The following FKTN variants were observed in gnomAD, a reference collection of about 807,000 sequenced individuals.
FKTN encodes ribitol-5-phosphate transferase FKTN.
A neutral mutation model predicts 58.6 loss-of-function variants in FKTN; 47 were observed. The ratio of observed to expected loss-of-function variants is 0.80; its 90% confidence interval spans 0.63 to 1.02. The LOEUF (loss-of-function observed/expected upper bound fraction) is 1.02, where lower values mean the gene tolerates loss of function less well. Ranked by LOEUF, FKTN falls within the 50% of genes least tolerant of loss-of-function variation. The pLI, the probability that FKTN is intolerant of heterozygous loss-of-function variation, is 0.00. For synonymous variants in FKTN, 178 were observed against 191.9 expected (o/e 0.93, Z 0.60); for missense variants, 516 against 537.3 (o/e 0.96, Z 0.39).
chr9:105,562,299 G>A (rs1838442982), intron 1 of FKTN, among the ~76,000 whole-genome samples: 1 of 152,198 alleles, frequency 6.6e-6, no homozygotes, highest in Non-Finnish European at 1.5e-5. Context: ...TTGGTGGCAG[G>A]GGACTAGGGA....
chr9:105,569,234 C>T (rs184890927), intron 1 of FKTN, among the ~76,000 whole-genome samples: 3 of 152,182 alleles, frequency 2.0e-5, no homozygotes, highest in Non-Finnish European at 4.4e-5. Context: ...CACATGTATA[C>T]ATATGTAACA....
chr9:105,570,919 G>A (rs1364856933), intron 1 of FKTN, among the ~76,000 whole-genome samples: 3 of 152,142 alleles, frequency 2.0e-5, no homozygotes, highest in Non-Finnish European at 4.4e-5. Flanking sequence ...AAACACAGAG[G>A]CAGGAAAGTG....
intron 3 of FKTN, among the ~76,000 whole-genome samples, chr9:105,594,750 A>C (rs953449699): frequency 1.3e-5 from 2 of 152,174 alleles, no homozygotes; most frequent in African/African-American, 4.8e-5. Flanking sequence ...CTCATTAATA[A>C]TAGTAATAAT....
rs1041759046 is a variant in FKTN at position 105,590,920 on chromosome 9, G to C, written c.106-5678G>C. On this transcript the variant is annotated intron_variant, in intron 3 of 10. Coordinates refer to ENST00000357998, the MANE Select transcript of FKTN (RefSeq NM_001079802.2). The stretch of plus-strand genomic sequence containing the variant: ...CTTACAATCGTGGCAGCAGGTGAAG[G>C]GGGAGCCCGCACCTCACATGGCCAG... Among the ~76,000 whole-genome samples the C allele has an allele frequency of 5.9e-5, 9 of 152,240 alleles. No individual in the cohort carries two copies. In the East Asian group the frequency reaches 1.7e-3, roughly 29 times the overall value.
At chr9:105,609,919 T>G (rs891699067) in intron 7 of FKTN, among the ~76,000 whole-genome samples, 1 of 152,258 alleles carries the variant, frequency 6.6e-6, no homozygotes, top group African/African-American at 2.4e-5. Context: ...GAAGTTACTT[T>G]AAAACTATGT....
chr9:105,594,764 A>G (rs1463456540), intron 3 of FKTN, among the ~76,000 whole-genome samples: 1 of 152,174 alleles, frequency 6.6e-6, no homozygotes, highest in Admixed American at 6.5e-5. Flanking sequence ...TAATAATAAT[A>G]AAGTGATATC....
intron 10 of FKTN, among the ~76,000 whole-genome samples, chr9:105,625,649 G>A (rs765773075): frequency 6.6e-6 from 1 of 152,092 alleles, no homozygotes; most frequent in Non-Finnish European, 1.5e-5. Context: ...TGTGAACAAG[G>A]GGAGTCCAAG....
At position 105,620,004 on chromosome 9, in the gene FKTN, A is replaced by C; in HGVS notation, c.1115A>C (p.Glu372Ala). 6.2e-7 allele frequency: 1 copy of C among 1,613,104 alleles called. No homozygotes were observed. The highest frequency in any genetic ancestry group is 1.1e-5 in the South Asian group (1 of 91,068). Reference protein sequence around the residue: ...DVKLDVFFFYEETDHMWNGGT... With the variant: ...DVKLDVFFFYAETDHMWNGGT... ...AAACTTGATGTTTTTTTCTTCTATG[A>C]AGAAACTGATCACATGTGGAATGGA... is the stretch of plus-strand genomic sequence containing the variant. The change falls in exon 10 of 11, where the codon GAA becomes GCA. Residue 372 changes from glutamate to alanine, a missense_variant. Transcript: ENST00000357998.
In FKTN at chr9:105,597,317, G is replaced by T. The variant is rs1486891582; in HGVS notation, c.165+660G>T. ...TAGAGATGTGGAACACTTTAAATTA[G>T]AAGTGGATTTTCAGATCACCAAGCA... On this transcript the variant is annotated intron_variant, in intron 4 of 10. Coordinates refer to ENST00000357998, the MANE Select transcript of FKTN (RefSeq NM_001079802.2). Among the ~76,000 whole-genome samples, 5 of 152,076 alleles carry T rather than the reference G, an allele frequency of 3.3e-5. No homozygotes were observed. In the East Asian group the frequency reaches 9.6e-4, roughly 29 times the overall value.
intron 4 of FKTN, among the ~76,000 whole-genome samples, chr9:105,597,445 A>G (rs1159765619): frequency 2.0e-5 from 3 of 152,178 alleles, no homozygotes; most frequent in Middle Eastern, 3.2e-3. Context: ...TCTCTAGTCT[A>G]TAAGTGTCAA....
intron 2 of FKTN, chr9:105,574,248 T>A (rs1041897568): frequency 1.3e-5 from 2 of 151,926 alleles, no homozygotes; most frequent in Non-Finnish European, 2.9e-5. Context: ...AAGAGAGGTG[T>A]CAGTATATTT....
chr9:105,577,450 C>A (rs1218698951), intron 3 of FKTN, among the ~76,000 whole-genome samples: 2 of 145,840 alleles, frequency 1.4e-5, no homozygotes, highest in Non-Finnish European at 3.0e-5. Context: ...TCTTGTTTTT[C>A]TCAGGTTTGT....
At chr9:105,568,872 A>T (rs1343569485) in intron 1 of FKTN, among the ~76,000 whole-genome samples, 5 of 152,214 alleles carry the variant, frequency 3.3e-5, no homozygotes, top group Non-Finnish European at 7.3e-5. Context: ...CACAATAGCA[A>T]AGACCTGGAA....
rs1834224058 is a variant in FKTN, at chr9:105,638,721, A to G, written c.*3457A>G. ...TATCTGCTTGGCTGGAAAGGAGACT[A>G]GAGTATCTAGTTTTTAGTATTTAAA... On this transcript the variant is annotated 3_prime_UTR_variant, in exon 11 of 11. Transcript: ENST00000357998. The G allele has an allele frequency of 2.0e-6, 2 of 981,630 alleles. No homozygotes were observed. The highest frequency in any genetic ancestry group is 4.7e-5 in the South Asian group (1 of 21,212). 60.8% of individuals were successfully genotyped at this position (981,630 alleles called of 1,614,324 possible).
intron 10 of FKTN, among the ~76,000 whole-genome samples, chr9:105,626,801 A>G (rs1302383614): frequency 6.6e-6 from 1 of 152,050 alleles, no homozygotes; most frequent in Non-Finnish European, 1.5e-5. Context: ...AGTGTTACCA[A>G]ATTGTAGTTT....
intron 1 of FKTN, among the ~76,000 whole-genome samples, chr9:105,564,016 T>A (rs375357153): frequency 6.6e-6 from 1 of 152,170 alleles, no homozygotes; most frequent in African/African-American, 2.4e-5. Context: ...TTCTGCAGCC[T>A]CTGCTGATAC....
intron 1 of FKTN, among the ~76,000 whole-genome samples, chr9:105,567,908 T>G (rs535696494): frequency 1.2e-4 from 18 of 152,316 alleles, no homozygotes; most frequent in Admixed American, 2.6e-4. Flanking sequence ...AAGGCTACAG[T>G]AACCAAAACA....
chr9:105,633,733 A>G (rs1196890362), intron 10 of FKTN, among the ~76,000 whole-genome samples: 1 of 152,208 alleles, frequency 6.6e-6, no homozygotes, highest in Non-Finnish European at 1.5e-5. Context: ...GAATTTGTTC[A>G]GCCTCTCCTT....
At position 105,582,931 on chromosome 9, in the gene FKTN, A is replaced by G. The variant is rs10978168; in HGVS notation, c.105+7794A>G. On this transcript the variant is annotated intron_variant, in intron 3 of 10. Transcript: ENST00000357998. ...ATAGAGGAATTATCTGTCCATATCT[A>G]TAAGTCTAGAGCCTCTAAAATTCTC... Among the ~76,000 whole-genome samples, 1,462 of 152,340 alleles carry G rather than the reference A, an allele frequency of 9.6e-3. 24 individuals carry two copies. Among genetic ancestry groups the G allele is most frequent in the African/African-American group, 0.032 (1,322 of 41,566 alleles).
Sources: allele counts gnomAD v4.1 joint callset (sites outside exome capture counted in the v4.1 genomes callset), GRCh38; gene constraint gnomAD v4.1.1; transcripts MANE v1.5; gene names NCBI Gene and HGNC (gene_info 2026-07-23, HGNC 2026-07-21).